BCKDHB: variants seen among roughly 807,000 people sequenced by gnomAD.
BCKDHB encodes branched chain keto acid dehydrogenase E1 subunit beta.
Under a neutral mutation model 48.5 loss-of-function variants are expected in BCKDHB, and 41 were observed. The observed-to-expected ratio is 0.85, with a 90% confidence interval of 0.66 to 1.10. BCKDHB has a LOEUF of 1.10. BCKDHB is among the 50% of genes least tolerant of loss of function. The probability of loss-of-function intolerance (pLI) is 0.00; values close to 1 mark genes in which losing one functional copy is unlikely to be tolerated. For missense variants in BCKDHB, 496 were observed against 494.2 expected, an observed-to-expected ratio of 1.00 and a Z score of -0.03; for synonymous variants, 201 against 174.8, an observed-to-expected ratio of 1.15 and a Z score of -1.18.
At chr6:80,204,609 G>A (rs915331247) in intron 8 of BCKDHB, among the ~76,000 whole-genome samples, 2 of 151,950 alleles carry the variant, frequency 1.3e-5, no homozygotes, top group Non-Finnish European at 2.9e-5. Context: ...GGCGCAGTGC[G>A]GAGGGCATTC....
At chr6:80,149,219 A>G (rs1030426494) in intron 3 of BCKDHB, among the ~76,000 whole-genome samples, 2 of 152,200 alleles carry the variant, frequency 1.3e-5, no homozygotes, top group South Asian at 2.1e-4. Context: ...ACATGAAAGA[A>G]TGCTCACCAT....
chr6:80,405,296 G>A, the BCKDHB span, among the ~76,000 whole-genome samples: 1 of 151,736 alleles, frequency 6.6e-6, no homozygotes, highest in Non-Finnish European at 1.5e-5. Flanking sequence ...GACTTTCTTT[G>A]TTCCTCATGA....
chr6:80,402,842 A>C, the BCKDHB span, among the ~76,000 whole-genome samples: 1 of 151,818 alleles, frequency 6.6e-6, no homozygotes, highest in Non-Finnish European at 1.5e-5. Flanking sequence ...GTTTCTCAGC[A>C]CCATTTACTG....
the BCKDHB span, among the ~76,000 whole-genome samples, chr6:80,396,426 C>A: frequency 6.6e-6 from 1 of 152,188 alleles, no homozygotes; most frequent in South Asian, 2.1e-4. Context: ...TCCCAGATGA[C>A]ACTTTGGACT....
At chr6:80,264,639 A>G (rs1175734347) in intron 8 of BCKDHB, among the ~76,000 whole-genome samples, 1 of 152,118 alleles carries the variant, frequency 6.6e-6, no homozygotes, top group African/African-American at 2.4e-5. Flanking sequence ...GACATTGATG[A>G]TGTCAGGAAA....
intron 6 of BCKDHB, among the ~76,000 whole-genome samples, chr6:80,173,882 G>A (rs1298562044): frequency 1.3e-5 from 2 of 151,248 alleles, no homozygotes; most frequent in African/African-American, 4.9e-5. Flanking sequence ...TACACTGGTG[G>A]TGTAAACTCC....
At chr6:80,443,313 T>G in the BCKDHB span, 1 of 152,146 alleles carries the variant, frequency 6.6e-6, no homozygotes. Context: ...AAGTGGAATT[T>G]GCTGGGTGGT....
At chr6:80,246,288 CAT>C (rs1776609120) in intron 8 of BCKDHB, among the ~76,000 whole-genome samples, 2 of 152,200 alleles carry the variant, frequency 1.3e-5, no homozygotes, top group Non-Finnish European at 2.9e-5. Flanking sequence ...GGAAGGTGTC[CAT>C]CCAGTCTGTG....
At chr6:80,175,375 GTTA>G (rs1773102368) in intron 6 of BCKDHB, among the ~76,000 whole-genome samples, 1 of 152,296 alleles carries the variant, frequency 6.6e-6, no homozygotes, top group South Asian at 2.1e-4. Flanking sequence ...AACTAAAAAT[GTTA>G]TTATTACACA....
chr6:80,407,656 G>T, the BCKDHB span, among the ~76,000 whole-genome samples: 1 of 152,136 alleles, frequency 6.6e-6, no homozygotes, highest in Non-Finnish European at 1.5e-5. Context: ...CTGTCTGTTT[G>T]TCTGTTAGTG....
the BCKDHB span, among the ~76,000 whole-genome samples, chr6:80,351,682 A>C: frequency 1.5e-5 from 2 of 135,130 alleles, no homozygotes; most frequent in African/African-American, 2.7e-5. Context: ...TCACTCTGTC[A>C]CCCAGGCTGG....
At chr6:80,163,691 A>G (rs1772433645) in intron 3 of BCKDHB, among the ~76,000 whole-genome samples, 1 of 152,176 alleles carries the variant, frequency 6.6e-6, no homozygotes, top group Non-Finnish European at 1.5e-5. Flanking sequence ...AGTCTAATTG[A>G]TAGCTCTACC....
chr6:80,230,336 C>A (rs1036099868), intron 8 of BCKDHB, among the ~76,000 whole-genome samples: 6 of 151,926 alleles, frequency 3.9e-5, no homozygotes, highest in Non-Finnish European at 8.8e-5. Flanking sequence ...CCGCGCCTGG[C>A]CAGGTTTTTT....
the BCKDHB span, among the ~76,000 whole-genome samples, chr6:80,401,778 C>G: frequency 6.6e-6 from 1 of 151,800 alleles, no homozygotes; most frequent in Non-Finnish European, 1.5e-5. Flanking sequence ...TTACGCTGTA[C>G]TTCTGTGAGT....
chr6:80,451,144 C>T, the BCKDHB span, among the ~76,000 whole-genome samples: 4 of 152,098 alleles, frequency 2.6e-5, no homozygotes, highest in South Asian at 2.1e-4. Context: ...TTTCTTTCCC[C>T]GGTTTCCTCA....
chr6:80,270,072 CATT>C (rs1210459781), intron 8 of BCKDHB, among the ~76,000 whole-genome samples: 1 of 152,070 alleles, frequency 6.6e-6, no homozygotes, highest in Non-Finnish European at 1.5e-5. Context: ...ACTATACTAA[CATT>C]GTTAATAATT....
At chr6:80,176,615 GA>G (rs901519341) in intron 6 of BCKDHB, among the ~76,000 whole-genome samples, 12 of 139,704 alleles carry the variant, frequency 8.6e-5, no homozygotes, top group African/African-American at 2.2e-4. Flanking sequence ...TCTTGGAGAA[GA>G]AAAAAAAAAT....
At chr6:80,413,070 G>T in the BCKDHB span, among the ~76,000 whole-genome samples, 1 of 152,010 alleles carries the variant, frequency 6.6e-6, no homozygotes, top group East Asian at 1.9e-4. Flanking sequence ...GATATTTTCT[G>T]TCATTATTTC....
intron 9 of BCKDHB, among the ~76,000 whole-genome samples, chr6:80,294,007 T>C (rs1562209265): frequency 6.6e-6 from 1 of 152,216 alleles, no homozygotes; most frequent in African/African-American, 2.4e-5. Flanking sequence ...AACAAGTCTC[T>C]AGGAAGTTTC....
Sources: allele counts gnomAD v4.1 joint callset (sites outside exome capture counted in the v4.1 genomes callset), GRCh38; gene constraint gnomAD v4.1.1; transcripts MANE v1.5; gene names NCBI Gene and HGNC (gene_info 2026-07-23, HGNC 2026-07-21).